The following USP15 variants were observed in gnomAD, a reference collection of about 807,000 sequenced individuals.
USP15 encodes ubiquitin carboxyl-terminal hydrolase 15.
In USP15, 18 loss-of-function variants were observed where a neutral mutation model predicts 127.1. That is an observed-to-expected ratio of 0.14 (90% CI 0.10 to 0.21). The LOEUF (loss-of-function observed/expected upper bound fraction) is 0.21. USP15 is among the 10% of genes least tolerant of loss of function. The pLI is 1.00. For missense variants in USP15, 805 were observed against 1,159.9 expected, an observed-to-expected ratio of 0.69 and a Z score of 4.44; for synonymous variants, 364 against 393.7, an observed-to-expected ratio of 0.92 and a Z score of 0.89.
chr12:62,384,005 T>C lies in USP15; in HGVS notation c.1248+7T>C. 6.2e-7 allele frequency: 1 copy of C among 1,611,718 alleles called. No individual in the cohort carries two copies. Among genetic ancestry groups the C allele is most frequent in the Admixed American group, 1.7e-5 (1 of 59,800 alleles). On this transcript the variant is annotated splice_region_variant and intron_variant, in intron 10 of 21. Transcript: ENST00000280377. The stretch of plus-strand genomic sequence containing the variant: ...AGATGGAAGGCCAGATAAGGTAAAT[T>C]TCATGATCCTATTGTCACCATTGTT...
intron 3 of USP15, chr12:62,304,660 G>A (rs1396310201): frequency 4.5e-6 from 2 of 446,696 alleles, no homozygotes; most frequent in African/African-American, 2.0e-5. Context: ...TCTCTAAAAT[G>A]CGTCATTTAT....
In USP15 at chr12:62,345,996, G is replaced by C. The variant is rs926624604; in HGVS notation, c.684-3225G>C. 1.8e-4 allele frequency among the ~76,000 whole-genome samples: 28 copies of C among 152,182 alleles called. 2 individuals are homozygous for C. Among genetic ancestry groups the C allele is most frequent in the Admixed American group, 1.6e-3 (25 of 15,280 alleles). ...AAGCTACAAGATGAGATTTGGGTGG[G>C]GACACAGAATCAAACCATATCAATA... On this transcript the variant is annotated intron_variant, in intron 6 of 21. Coordinates refer to ENST00000280377, the MANE Select transcript of USP15 (RefSeq NM_001252078.2).
At chr12:62,377,127 G>A (rs1024837354) in intron 8 of USP15, among the ~76,000 whole-genome samples, 2 of 152,090 alleles carry the variant, frequency 1.3e-5, no homozygotes, top group Admixed American at 6.6e-5. Flanking sequence ...GGAATTCAAT[G>A]TATAATAATC....
chr12:62,320,025 A>G lies in USP15; in HGVS notation c.476-1439A>G, dbSNP rs369780736. 5.9e-5 allele frequency among the ~76,000 whole-genome samples: 9 copies of G among 152,182 alleles called. No individual in the cohort carries two copies. The East Asian group carries it at 9.6e-4, about 16-fold the overall frequency. ...GTGTCCACTTTGGAAATTTATCACA[A>G]GATACTGATGATTAGTGCATGTTTC... On this transcript the variant is annotated intron_variant, in intron 4 of 21. Coordinates refer to ENST00000280377, the MANE Select transcript of USP15 (RefSeq NM_001252078.2).
At chr12:62,290,359 A>T (rs2063926927) in intron 1 of USP15, among the ~76,000 whole-genome samples, 2 of 152,112 alleles carry the variant, frequency 1.3e-5, no homozygotes, top group African/African-American at 2.4e-5. Flanking sequence ...TGATCCCTTT[A>T]TAATAACTTT....
intron 5 of USP15, 139 bp downstream of exon 5, chr12:62,321,748 C>A: frequency 1.7e-6 from 1 of 588,070 alleles, no homozygotes; most frequent in Non-Finnish European, 2.6e-6. Flanking sequence ...TCTTTCCTTG[C>A]TGGTTACTGA....
At chr12:62,349,124 C>A in intron 6 of USP15, 97 bp from the exon 7 acceptor site, 2 of 674,630 alleles carry the variant, frequency 3.0e-6, no homozygotes, top group South Asian at 3.8e-5. Flanking sequence ...TTTCAGCATT[C>A]ATTTACTACA....
chr12:62,283,651 A>T (rs2063712996), intron 1 of USP15, among the ~76,000 whole-genome samples: 1 of 152,228 alleles, frequency 6.6e-6, no homozygotes, highest in Admixed American at 6.5e-5. Flanking sequence ...TTAATCACTT[A>T]AAAAAATTAG....
chr12:62,282,920 T>C (rs961332038), intron 1 of USP15, among the ~76,000 whole-genome samples: 1 of 152,228 alleles, frequency 6.6e-6, no homozygotes, highest in Non-Finnish European at 1.5e-5. Flanking sequence ...CCACAAATTG[T>C]TTTTAATGTG....
Position 62,410,192 on chromosome 12 carries a change from C to T in USP15, c.*5817C>T, listed in dbSNP as rs949705658. 4 of 152,084 alleles carry T rather than the reference C, an allele frequency of 2.6e-5. No individual in the cohort carries two copies. Among genetic ancestry groups the T allele is most frequent in the Non-Finnish European group, 5.9e-5 (4 of 68,004 alleles). The allele number at this position is 152,084 out of a possible 1,614,324, so 9.4% of individuals were successfully genotyped here. ...ATAAGTTCATCCAAATTAATCCCAT[C>T]ATGCCTGTTTAACTCATTTCCCCAA... On this transcript the variant is annotated 3_prime_UTR_variant, in exon 22 of 22. Transcript: ENST00000280377.
At chr12:62,379,714 T>G (rs76052810) in intron 8 of USP15, among the ~76,000 whole-genome samples, 1 of 152,046 alleles carries the variant, frequency 6.6e-6, no homozygotes, top group Non-Finnish European at 1.5e-5. Flanking sequence ...TATTGATAAT[T>G]GTTGGAAATT....
intron 1 of USP15, among the ~76,000 whole-genome samples, chr12:62,285,543 A>G (rs1289991804): frequency 6.6e-6 from 1 of 151,100 alleles, no homozygotes; most frequent in African/African-American, 2.4e-5. Flanking sequence ...TGGACACTTA[A>G]AGTGTTTCCT....
chr12:62,341,710 A>G (rs965294947), intron 6 of USP15, among the ~76,000 whole-genome samples: 1 of 151,886 alleles, frequency 6.6e-6, no homozygotes, highest in Non-Finnish European at 1.5e-5. Context: ...ATTGGCCCCC[A>G]CTCTCTTCTG....
intron 1 of USP15, among the ~76,000 whole-genome samples, chr12:62,285,865 G>A (rs559894694): frequency 2.6e-5 from 4 of 151,962 alleles, no homozygotes; most frequent in East Asian, 1.9e-4. Flanking sequence ...TCTCCATACT[G>A]TTTTCCATAA....
At chr12:62,330,825 C>G (rs1388873007) in intron 6 of USP15, among the ~76,000 whole-genome samples, 1 of 149,722 alleles carries the variant, frequency 6.7e-6, no homozygotes, top group Non-Finnish European at 1.5e-5. Flanking sequence ...ACTCCAGAAG[C>G]TGGGGTGGGA....
chr12:62,332,835 A>G (rs2065345798), intron 6 of USP15, among the ~76,000 whole-genome samples: 1 of 128,726 alleles, frequency 7.8e-6, no homozygotes, highest in Non-Finnish European at 1.8e-5. Flanking sequence ...GATGACTGAA[A>G]CACTATAAAC....
chr12:62,357,258 A>G lies in USP15; in HGVS notation c.915+1783A>G, dbSNP rs1198964819. 2.0e-5 allele frequency among the ~76,000 whole-genome samples: 3 copies of G among 152,066 alleles called. No individual in the cohort carries two copies. In the East Asian group the frequency reaches 5.8e-4, roughly 29 times the overall value. On this transcript the variant is annotated intron_variant, in intron 8 of 21. Transcript: ENST00000280377. ...CATCCTAGTTTTCTGTGCCTTTGATACATCTGTTTAGTATTGTCTGCATAT... is the reference window on the plus strand; with the variant it reads ...CATCCTAGTTTTCTGTGCCTTTGATGCATCTGTTTAGTATTGTCTGCATAT...
intron 1 of USP15, among the ~76,000 whole-genome samples, chr12:62,261,311 G>A (rs142865312): frequency 2.6e-5 from 4 of 152,222 alleles, no homozygotes; most frequent in South Asian, 4.1e-4. Context: ...GGATGTATGT[G>A]GACATTTTCA....
chr12:62,316,863 A>C (rs1295250949), intron 4 of USP15, among the ~76,000 whole-genome samples: 1 of 152,178 alleles, frequency 6.6e-6, no homozygotes, highest in South Asian at 2.1e-4. Flanking sequence ...TCACTGCTTC[A>C]AAAAGTTTAC....
Sources: gnomAD v4.1 joint callset for allele counts (sites outside exome capture counted in the v4.1 genomes callset) on GRCh38, gnomAD v4.1.1 for gene constraint, MANE v1.5 for transcripts, NCBI Gene and HGNC (gene_info 2026-07-23, HGNC 2026-07-21) for gene names.